Variants in PCDHGA5 observed in about 807,000 individuals in gnomAD.
PCDHGA5 encodes the protein protocadherin gamma-A5.
In PCDHGA5, 36 loss-of-function variants were observed where a neutral mutation model predicts 56.7. The observed-to-expected ratio is 0.64, with a 90% CI of 0.49 to 0.84. The LOEUF (loss-of-function observed/expected upper bound fraction) is 0.84. PCDHGA5 is among the 40% of genes least tolerant of loss of function. The pLI is 0.00. For synonymous variants in PCDHGA5, 563 were observed against 520.2 expected, an observed-to-expected ratio of 1.08 and a Z score of -1.12; for missense variants, 1,305 against 1,201.5, an observed-to-expected ratio of 1.09 and a Z score of -1.27.
chr5:141,377,241 ATTTGTAAGGTTCTTTCTTT>A (rs1413175738), intron 1 of PCDHGA5: 3 of 151,708 alleles, frequency 2.0e-5, no homozygotes, highest in Non-Finnish European at 4.4e-5. Context: ...ACTATGTGAC[ATTTGTAAGGTTCTTTCTTT>A]TTCTAATGTG....
intron 1 of PCDHGA5, chr5:141,422,396 A>G (rs767394630): frequency 6.3e-6 from 10 of 1,597,278 alleles, no homozygotes; most frequent in Non-Finnish European, 8.5e-6. Flanking sequence ...ATTCCTAACC[A>G]CCTGCCTTTT....
Position 141,489,842 on chromosome 5 carries a change from A to T in PCDHGA5, c.2422-4965A>T. ...GAGCTGGTGCTAGAGCAGCAGCTGGATCGTGAAGCCCAGGCAAGACATCAG... is the reference window on the plus strand; with the variant it reads ...GAGCTGGTGCTAGAGCAGCAGCTGGTTCGTGAAGCCCAGGCAAGACATCAG... On this transcript the variant is annotated intron_variant, in intron 1 of 3. Coordinates refer to ENST00000518069, the MANE Select transcript of PCDHGA5 (RefSeq NM_018918.3). The surrounding 1 kb of genome is among the most constrained non-coding windows in gnomAD (Gnocchi z 4.5). 6.2e-7 allele frequency: 1 copy of T among 1,614,186 alleles called. No homozygotes were observed. Among genetic ancestry groups the T allele is most frequent in the South Asian group, 1.1e-5 (1 of 91,086 alleles).
At chr5:141,468,402 T>A (rs2154569909) in intron 1 of PCDHGA5, 1 of 150,014 alleles carries the variant, frequency 6.7e-6, no homozygotes, top group East Asian at 2.0e-4. Context: ...TGGTGAGAAC[T>A]AATAATAAGT....
intron 1 of PCDHGA5, chr5:141,475,885 A>G (rs1593590954): frequency 1.8e-6 from 1 of 556,524 alleles, no homozygotes. Flanking sequence ...ATTGGCTGGG[A>G]CTCTGTGTGC....
chr5:141,410,843 C>CTTTTTAT, intron 1 of PCDHGA5: 1 of 216,280 alleles, frequency 4.6e-6, no homozygotes. Context: ...GATATTTTGT[C>CTTTTTAT]TTTGTCTTTT....
chr5:141,441,838 C>T, intron 1 of PCDHGA5: 4 of 355,582 alleles, frequency 1.1e-5, no homozygotes, highest in South Asian at 9.6e-5. Flanking sequence ...TGGCTTCGCG[C>T]TCTTGGATAT....
chr5:141,509,709 T>C (rs1344120168), intron 3 of PCDHGA5, among the ~76,000 whole-genome samples: 1 of 152,200 alleles, frequency 6.6e-6, no homozygotes, highest in African/African-American at 2.4e-5. Context: ...CTGGAGGTGC[T>C]GTCTGATGTC....
chr5:141,377,221 G>GT (rs1773788570), intron 1 of PCDHGA5: 1 of 152,014 alleles, frequency 6.6e-6, no homozygotes, highest in South Asian at 2.1e-4. Context: ...CGTTTCTTAG[G>GT]TTTTTTCCTA....
intron 1 of PCDHGA5, chr5:141,424,465 A>G (rs564844819): frequency 1.3e-5 from 2 of 152,146 alleles, no homozygotes; most frequent in Admixed American, 6.5e-5. Context: ...ATTTCCTTTT[A>G]TTCTTTTACT....
chr5:141,384,998 T>A, intron 1 of PCDHGA5: 1 of 1,614,130 alleles, frequency 6.2e-7, no homozygotes, highest in East Asian at 2.2e-5. Flanking sequence ...GTGGCCACAG[T>A]CTCCTGCGTC....
At chr5:141,400,262 G>T (rs1485452553) in intron 1 of PCDHGA5, 1 of 1,613,914 alleles carries the variant, frequency 6.2e-7, no homozygotes, top group African/African-American at 1.3e-5. Flanking sequence ...TTGCGCCTGC[G>T]ACGCTCCTCC....
At chr5:141,387,643 C>G in intron 1 of PCDHGA5, 1 of 625,670 alleles carries the variant, frequency 1.6e-6, no homozygotes, top group Non-Finnish European at 2.7e-6. Flanking sequence ...CGCTGTTGGC[C>G]AAAGTGGAGA....
chr5:141,413,600 T>C lies in PCDHGA5; in HGVS notation c.2421+46849T>C, dbSNP rs767830855. The C allele has an allele frequency of 3.7e-6, 6 of 1,613,868 alleles. No individual in the cohort carries two copies. The Admixed American group carries it at 8.3e-5, about 22-fold the overall frequency. Reference sequence around the variant, plus strand: ...GCTCCAAAATTCCAAGCAGAAAATCTAGACGTAAAAATTAATGAAAATGTC... The same window carrying C: ...GCTCCAAAATTCCAAGCAGAAAATCCAGACGTAAAAATTAATGAAAATGTC... On this transcript the variant is annotated intron_variant, in intron 1 of 3. Transcript: ENST00000518069.
intron 1 of PCDHGA5, among the ~76,000 whole-genome samples, chr5:141,386,574 G>A (rs2090626331): frequency 6.6e-6 from 1 of 151,752 alleles, no homozygotes; most frequent in African/African-American, 2.4e-5. Flanking sequence ...GATAGACTCT[G>A]TACAATAGTG....
intron 1 of PCDHGA5, chr5:141,475,820 C>G (rs890721743): frequency 1.1e-5 from 4 of 351,810 alleles, no homozygotes; most frequent in Non-Finnish European, 1.5e-5. Context: ...AAGTTCCTGG[C>G]GCTAGCGCGT....
chr5:141,483,946 T>C (rs374723616), intron 1 of PCDHGA5, among the ~76,000 whole-genome samples: 127 of 148,696 alleles, frequency 8.5e-4, no homozygotes, highest in Non-Finnish European at 1.5e-3. Flanking sequence ...ACGGTGTGAA[T>C]TGTGTTGTGT....
chr5:141,390,358 G>T, intron 1 of PCDHGA5: 1 of 1,540,914 alleles, frequency 6.5e-7, no homozygotes, highest in East Asian at 2.2e-5. Context: ...ATACATATTT[G>T]CAGGAAAATA....
chr5:141,453,465 A>G (rs1167340749), intron 1 of PCDHGA5, among the ~76,000 whole-genome samples: 2 of 152,098 alleles, frequency 1.3e-5, no homozygotes, highest in African/African-American at 4.8e-5. Flanking sequence ...AAACATTAAC[A>G]TAAAGTCAAA....
At chr5:141,375,610 C>G in intron 1 of PCDHGA5, 1 of 1,614,224 alleles carries the variant, frequency 6.2e-7, no homozygotes, top group Non-Finnish European at 8.5e-7. Context: ...CCATCAACTC[C>G]GACACTGGGA....
Sources: allele counts gnomAD v4.1 joint callset (sites outside exome capture counted in the v4.1 genomes callset), GRCh38; gene constraint gnomAD v4.1.1; non-coding constraint Gnocchi (gnomAD v3.1); transcripts MANE v1.5; gene names NCBI Gene and HGNC (gene_info 2026-07-23, HGNC 2026-07-21).